Variants in CCDC186 observed in about 807,000 individuals in gnomAD.
CCDC186 encodes the protein coiled-coil domain containing 186.
In CCDC186, 49 loss-of-function variants were observed where a neutral mutation model predicts 113.7. The observed-to-expected ratio is 0.43, with a 90% CI of 0.34 to 0.55. The LOEUF (loss-of-function observed/expected upper bound fraction) is 0.55. CCDC186 is among the 20% of genes least tolerant of loss of function. CCDC186 has a pLI of 0.02. For synonymous variants in CCDC186, 355 were observed against 345.8 expected, an observed-to-expected ratio of 1.03 and a Z score of -0.30; for missense variants, 890 against 1,011.1, an observed-to-expected ratio of 0.88 and a Z score of 1.62.
chr10:114,146,994 A>G (rs1189518533), intron 4 of CCDC186, among the ~76,000 whole-genome samples: 2 of 152,226 alleles, frequency 1.3e-5, no homozygotes, highest in Non-Finnish European at 2.9e-5. Flanking sequence ...AAATAGTCAT[A>G]CTAATTTTCA....
At chr10:114,169,575 T>C (rs980866891) in intron 1 of CCDC186, among the ~76,000 whole-genome samples, 4 of 152,170 alleles carry the variant, frequency 2.6e-5, no homozygotes, top group African/African-American at 9.7e-5. Flanking sequence ...AGTTGTACAC[T>C]TCTCAAGTAA....
intron 2 of CCDC186, among the ~76,000 whole-genome samples, chr10:114,160,153 C>T (rs1245522302): frequency 1.3e-5 from 2 of 151,798 alleles, no homozygotes; most frequent in East Asian, 3.9e-4. Flanking sequence ...ACCTGTAGTC[C>T]CAGCTACTTG....
chr10:114,127,353 T>A, intron 14 of CCDC186, 108 bp downstream of exon 14: 1 of 1,010,028 alleles, frequency 9.9e-7, no homozygotes. Flanking sequence ...TAACTATAAT[T>A]ATTTTTTGAA....
chr10:114,157,522 G>A (rs2032046344), intron 3 of CCDC186, 32 bp downstream of exon 3: 1 of 1,564,646 alleles, frequency 6.4e-7, no homozygotes, highest in African/African-American at 1.4e-5. Context: ...ATTAATTGAA[G>A]TATAGTCTTC....
At chr10:114,132,609 G>A in intron 10 of CCDC186, among the ~76,000 whole-genome samples, 2 of 152,262 alleles carry the variant, frequency 1.3e-5, no homozygotes, top group Middle Eastern at 6.8e-3. Context: ...TATGAAAACT[G>A]CCACAGATAT....
chr10:114,158,141 T>G (rs1315809401), intron 2 of CCDC186, among the ~76,000 whole-genome samples: 2 of 152,226 alleles, frequency 1.3e-5, no homozygotes, highest in Non-Finnish European at 2.9e-5. Flanking sequence ...CTAAACATCC[T>G]ACAATGCACA....
At chr10:114,140,624 T>TAC (rs1270853508) in intron 6 of CCDC186, among the ~76,000 whole-genome samples, 1 of 152,218 alleles carries the variant, frequency 6.6e-6, no homozygotes, top group Non-Finnish European at 1.5e-5. Flanking sequence ...GGGTAGAAGT[T>TAC]GTAAATCTGG....
At chr10:114,129,995 G>C in intron 12 of CCDC186, 24 bp from the exon 13 acceptor site, 1 of 1,603,542 alleles carries the variant, frequency 6.2e-7, no homozygotes, top group Non-Finnish European at 8.5e-7. Context: ...AAGATTATTC[G>C]TCACAATTAT....
rs2030843805 is a variant in CCDC186, at chr10:114,125,018, A to G, written c.*125T>C. 1 of 634,938 alleles carries G rather than the reference A, an allele frequency of 1.6e-6. No homozygotes were observed. Among genetic ancestry groups the G allele is most frequent in the Non-Finnish European group, 2.7e-6 (1 of 370,692 alleles). The allele number at this position is 634,938 out of a possible 1,614,324, so 39.3% of individuals were successfully genotyped here. ...ATTGTAAAAGGGTATTTTTTTGTGT[A>G]CAGATGAAGCAAAACAATATTTTTA... On this transcript the variant is annotated 3_prime_UTR_variant, in exon 16 of 16. Transcript: ENST00000369287.
rs1304007762 is a variant in CCDC186, at chr10:114,124,882, T to C, written c.*261A>G. On this transcript the variant is annotated 3_prime_UTR_variant, in exon 16 of 16. Transcript: ENST00000369287. ...TGTAATGTTCAACACTTCTTATGAA[T>C]ACAAGCAAATTAAGTTGTTTAGATT... 1 of 337,706 alleles carries C rather than the reference T, an allele frequency of 3.0e-6. No individual in the cohort carries two copies. The highest frequency in any genetic ancestry group is 2.1e-5 in the African/African-American group (1 of 47,220). 20.9% of individuals were successfully genotyped at this position (337,706 alleles called of 1,614,324 possible). A position where few individuals can be genotyped will look rare whatever the true frequency, so the allele number is the denominator to read the frequency against.
chr10:114,149,818 CAGGAAGGCAGGA>C (rs1564913026), intron 4 of CCDC186, among the ~76,000 whole-genome samples: 1 of 104,068 alleles, frequency 9.6e-6, no homozygotes, highest in African/African-American at 4.5e-5. Context: ...GGAAGGAAGG[CAGGAAGGCAGGA>C]AGGCAGGAAG....
intron 1 of CCDC186, among the ~76,000 whole-genome samples, chr10:114,167,977 C>G (rs1429919983): frequency 1.3e-5 from 2 of 151,794 alleles, no homozygotes; most frequent in Non-Finnish European, 2.9e-5. Context: ...GAGTGAGACT[C>G]GTTCTCTAAG....
chr10:114,162,314 G>T, intron 2 of CCDC186: 1 of 170,060 alleles, frequency 5.9e-6, no homozygotes, highest in East Asian at 1.6e-4. Context: ...GGAATTTTAT[G>T]ACTTGTTATT....
chr10:114,132,122 TC>T lies in CCDC186; in HGVS notation c.1717del (p.Asp573ThrfsTer58). On this transcript the variant is annotated frameshift_variant, in exon 11 of 16. Coordinates refer to ENST00000369287, the MANE Select transcript of CCDC186 (RefSeq NM_018017.4). LOFTEE classifies it high-confidence loss of function. ...EVESLNSLIN[D>X]LQKDIEGSRK... ...ACTGCCTTCGATGTCTTTTTGTAGG[TC>T]ATTAATCAAAGAATTAAGACTTTCC... 1.2e-6 allele frequency: 2 copies of T among 1,612,842 alleles called. No homozygotes were observed. Among genetic ancestry groups the T allele is most frequent in the East Asian group, 4.5e-5 (2 of 44,810 alleles).
chr10:114,157,715 A>G, intron 2 of CCDC186, 35 bp from the exon 3 acceptor site: 1 of 1,485,110 alleles, frequency 6.7e-7, no homozygotes, highest in Non-Finnish European at 9.1e-7. Flanking sequence ...GTAAAACATA[A>G]TTTAAAATGG....
In CCDC186 at chr10:114,127,590, T is replaced by C; in HGVS notation, c.2264A>G (p.Gln755Arg). 2 of 1,614,124 alleles carry C rather than the reference T, an allele frequency of 1.2e-6. No individual in the cohort carries two copies. Among genetic ancestry groups the C allele is most frequent in the African/African-American group, 2.7e-5 (2 of 75,060 alleles). ...CTCAATCAACATGGCCTTATCTACT[T>C]GTGGAAAGTTATCCACAGCTACTGA... ...GSSVAVDNFPQVDKAMLIERI... is the reference protein window; with the variant it reads ...GSSVAVDNFPRVDKAMLIERI... Residue 755 changes from glutamine to arginine, a missense_variant, in exon 14 of 16, where the codon CAA becomes CGA. By Grantham distance (43) the Gln-to-Arg change is conservative. Coordinates refer to ENST00000369287, the MANE Select transcript of CCDC186 (RefSeq NM_018017.4).
At position 114,125,971 on chromosome 10, in the gene CCDC186, C is replaced by T; in HGVS notation, c.2528G>A (p.Gly843Glu). Residue 843 changes from glycine (G) to glutamate (E), a missense_variant, in exon 15 of 16, where the codon GGA becomes GAA. Physicochemically the swap from Gly to Glu is moderately conservative, Grantham distance 98. Transcript: ENST00000369287. ...TTCCAAAGAGAGCTCCAATGTTAAT[C>T]CATTGTCAGCTGGATGGGATGTATA... ...SLYTSHPADNGLTLELSLEIN... is the reference protein window; with the variant it reads ...SLYTSHPADNELTLELSLEIN... 5 of 1,614,028 alleles carry T rather than the reference C, an allele frequency of 3.1e-6. No individual in the cohort carries two copies. Among genetic ancestry groups the T allele is most frequent in the Non-Finnish European group, 4.2e-6 (5 of 1,179,956 alleles).
chr10:114,128,618 A>T (rs1389632892), intron 13 of CCDC186, among the ~76,000 whole-genome samples: 1 of 152,136 alleles, frequency 6.6e-6, no homozygotes, highest in Non-Finnish European at 1.5e-5. Context: ...GGGAATTATA[A>T]TACCTACCTC....
At chr10:114,164,114 A>ATTTTTTTT (rs35615169) in intron 1 of CCDC186, among the ~76,000 whole-genome samples, 2 of 79,182 alleles carry the variant, frequency 2.5e-5, no homozygotes, top group Admixed American at 1.5e-4. Context: ...ATATATATAT[A>ATTTTTTTT]TTTTTTTTTT....
Sources: gnomAD v4.1 joint callset for allele counts (sites outside exome capture counted in the v4.1 genomes callset) on GRCh38, gnomAD v4.1.1 for gene constraint, MANE v1.5 for transcripts, NCBI Gene and HGNC (gene_info 2026-07-23, HGNC 2026-07-21) for gene names.